PLTP: variants seen among roughly 807,000 people sequenced by gnomAD.
PLTP encodes phospholipid transfer protein.
PLTP carries 43 observed loss-of-function variants against 54.1 expected under a neutral mutation model. That is an observed-to-expected ratio of 0.79 (90% CI 0.62 to 1.02). The LOEUF (loss-of-function observed/expected upper bound fraction) is 1.02. Ranked by LOEUF, PLTP falls within the 50% of genes least tolerant of loss-of-function variation. The pLI is 0.00. For missense variants in PLTP, 604 were observed against 645.9 expected, an observed-to-expected ratio of 0.94 and a Z score of 0.70; for synonymous variants, 263 against 264.6, an observed-to-expected ratio of 0.99 and a Z score of 0.06.
Position 45,902,618 on chromosome 20 carries a change from A to G in PLTP, c.943-14T>C. On this transcript the variant is annotated splice_polypyrimidine_tract_variant and intron_variant, in intron 10 of 15. Coordinates refer to ENST00000372431, the MANE Select transcript of PLTP (RefSeq NM_006227.4). The stretch of plus-strand genomic sequence containing the variant: ...CACTGCTGGGCTCTGGGGGATGAGC[A>G]GCAGGGGCGGGTCAAGTCCCTGCCA... 6.3e-7 allele frequency: 1 copy of G among 1,588,826 alleles called. No individual in the cohort carries two copies. The highest frequency in any genetic ancestry group is 8.6e-7 in the Non-Finnish European group (1 of 1,166,402).
chr20:45,910,157 C>G, intron 3 of PLTP, 87 bp from the exon 4 acceptor site: 1 of 1,471,584 alleles, frequency 6.8e-7, no homozygotes. Context: ...CCTTTCAAGT[C>G]CAGGCCTGGG....
intron 12 of PLTP, among the ~76,000 whole-genome samples, chr20:45,900,098 C>CTTTTT (rs71181874): frequency 5.4e-5 from 3 of 55,746 alleles, no homozygotes; most frequent in Admixed American, 2.7e-4. Context: ...TTGAGCACCT[C>CTTTTT]TTTTTTTTTT....
chr20:45,905,736 C>T (rs144604332), intron 8 of PLTP, among the ~76,000 whole-genome samples: 83 of 152,320 alleles, frequency 5.4e-4, no homozygotes, highest in African/African-American at 1.8e-3. Context: ...CCACTGCACC[C>T]GACTGATTCT....
At chr20:45,911,489 G>C (rs2083293019) in intron 1 of PLTP, 26 bp from the exon 2 acceptor site, 8 of 1,599,600 alleles carry the variant, frequency 5.0e-6, no homozygotes, top group Non-Finnish European at 6.8e-6. Flanking sequence ...GGTCGCAGGA[G>C]TTATCTGAGC....
intron 10 of PLTP, 92 bp from the exon 11 acceptor site, chr20:45,902,696 G>C: frequency 7.6e-7 from 1 of 1,316,236 alleles, no homozygotes; most frequent in Non-Finnish European, 1.0e-6. Context: ...TGCAGCTTCT[G>C]TCCTCTGGGG....
chr20:45,909,406 A>G, intron 5 of PLTP, 110 bp downstream of exon 5: 1 of 1,182,506 alleles, frequency 8.5e-7, no homozygotes, highest in South Asian at 1.2e-5. Flanking sequence ...GACAGAGCTG[A>G]GCTTTGGACC....
At position 45,906,343 on chromosome 20, in the gene PLTP, G is replaced by A. The variant is rs747026724; in HGVS notation, c.630C>T (p.Asp210=). 1.2e-5 allele frequency: 19 copies of A among 1,613,696 alleles called. No homozygotes were observed. Among genetic ancestry groups the A allele is most frequent in the East Asian group, 1.1e-4 (5 of 44,872 alleles). ...GGGAATAGTCAATGCCAACAAGCTC[G>A]TCCACAGAACTGCGCACTGCAGGAA... ...LDTVPVRSSV[D]ELVGIDYSLM... is the part of the protein sequence containing the mutation. The change falls in exon 8 of 16, where the codon GAC becomes GAT. Residue 210 remains aspartate (D), a synonymous_variant. Transcript: ENST00000372431.
intron 12 of PLTP, 27 bp from the exon 13 acceptor site, chr20:45,899,905 G>A (rs1245369241): frequency 6.5e-7 from 1 of 1,549,526 alleles, no homozygotes; most frequent in Non-Finnish European, 8.7e-7. Flanking sequence ...AGCCCTGTGG[G>A]CAGGAAGCCT....
chr20:45,901,860 T>C (rs1213518557), intron 12 of PLTP, among the ~76,000 whole-genome samples: 2 of 149,316 alleles, frequency 1.3e-5, no homozygotes, highest in East Asian at 3.9e-4. Context: ...GACCACGCTA[T>C]TGCACTCCAG....
chr20:45,906,321 AAT>A lies in PLTP; in HGVS notation c.650_651del (p.Tyr217PhefsTer26). On this transcript the variant is annotated frameshift_variant, in exon 8 of 16. Transcript: ENST00000372431. LOFTEE classifies it high-confidence loss of function. The stretch of plus-strand genomic sequence containing the variant: ...GAAGCCACAGGATCCTTCATGAGGG[AAT>A]AGTCAATGCCAACAAGCTCGTCCAC... Reference protein sequence around the residue: ...SSVDELVGIDYSLMKDPVAST... With the variant: ...SSVDELVGIDXSLMKDPVAST... 6.2e-7 allele frequency: 1 copy of A among 1,614,112 alleles called. No homozygotes were observed. Among genetic ancestry groups the A allele is most frequent in the Non-Finnish European group, 8.5e-7 (1 of 1,179,982 alleles).
At position 45,899,820 on chromosome 20, in the gene PLTP, A is replaced by G; in HGVS notation, c.1218+16T>C. 6.7e-6 allele frequency: 1 copy of G among 148,324 alleles called. No individual in the cohort carries two copies. 9.2% of individuals were successfully genotyped at this position (148,324 alleles called of 1,614,324 possible). On this transcript the variant is annotated intron_variant, in intron 13 of 15. Transcript: ENST00000372431. ...CTCACGAACCCAGCCCAGCCCACCC[A>G]CCCTTCCCCACTCACAGCCAGCGAC...
At position 45,899,558 on chromosome 20, in the gene PLTP, G is replaced by C. The variant is rs548237398; in HGVS notation, c.1283-20C>G. 6.2e-7 allele frequency: 1 copy of C among 1,613,910 alleles called. No homozygotes were observed. Among genetic ancestry groups the C allele is most frequent in the African/African-American group, 1.3e-5 (1 of 74,902 alleles). On this transcript the variant is annotated intron_variant, in intron 14 of 15. Transcript: ENST00000372431. ...TCCGCTCTGTGGGTGGGAGCACCCC[G>C]CTCAGTCTGGGCCCGCCCAGTTCAC... is the stretch of plus-strand genomic sequence containing the variant.
At chr20:45,907,778 AG>A (rs1449824003) in intron 6 of PLTP, 23 bp from the exon 7 acceptor site, 2 of 1,612,306 alleles carry the variant, frequency 1.2e-6, no homozygotes, top group African/African-American at 2.7e-5. Context: ...AGCCAGAGTC[AG>A]GGCCTTCTCA....
Position 45,899,817 on chromosome 20 carries a change from C to A in PLTP, c.1218+19G>T. 7.7e-7 allele frequency: 1 copy of A among 1,291,228 alleles called. No individual in the cohort carries two copies. The highest frequency in any genetic ancestry group is 1.1e-6 in the Non-Finnish European group (1 of 913,704). 80.0% of individuals were successfully genotyped at this position (1,291,228 alleles called of 1,614,324 possible). ...GATCTCACGAACCCAGCCCAGCCCA[C>A]CCACCCTTCCCCACTCACAGCCAGC... On this transcript the variant is annotated intron_variant, in intron 13 of 15. Transcript: ENST00000372431.
chr20:45,907,312 T>TGA (rs1442353754), intron 7 of PLTP, among the ~76,000 whole-genome samples: 2 of 134,396 alleles, frequency 1.5e-5, no homozygotes, highest in East Asian at 4.2e-4. Flanking sequence ...GGCAACAGAG[T>TGA]GAGACTGTAA....
intron 10 of PLTP, 132 bp from the exon 11 acceptor site, chr20:45,902,736 C>T: frequency 1.1e-6 from 1 of 928,898 alleles, no homozygotes. Flanking sequence ...AGAGGGAGCT[C>T]TGGCTTCCAA....
chr20:45,912,136 T>A lies in PLTP; in HGVS notation c.-69A>T, dbSNP rs1023699117. Reference sequence around the variant, plus strand: ...GTGGGATGGCGGGCAGCTCAGGGGATCCGGGCGACGGGGTCTGGCGGGCAG... The same window carrying A: ...GTGGGATGGCGGGCAGCTCAGGGGAACCGGGCGACGGGGTCTGGCGGGCAG... On this transcript the variant is annotated 5_prime_UTR_variant, in exon 1 of 16. Transcript: ENST00000372431. The A allele has an allele frequency of 6.5e-6, 1 of 153,374 alleles. No homozygotes were observed. Among genetic ancestry groups the A allele is most frequent in the Admixed American group, 6.5e-5 (1 of 15,408 alleles). 9.5% of individuals were successfully genotyped at this position (153,374 alleles called of 1,614,324 possible). A position where few individuals can be genotyped will look rare whatever the true frequency, so the allele number is the denominator to read the frequency against.
At position 45,909,209 on chromosome 20, in the gene PLTP, C is replaced by T. The variant is rs11569640; in HGVS notation, c.485+307G>A. ...CGATCTGTTAACCTTGTGATCCGCC[C>T]GCCCAGACCTCCCAAATTGCTGGGA... On this transcript the variant is annotated intron_variant, in intron 5 of 15. Coordinates refer to ENST00000372431, the MANE Select transcript of PLTP (RefSeq NM_006227.4). Among the ~76,000 whole-genome samples, 683 of 152,230 alleles carry T rather than the reference C, an allele frequency of 4.5e-3. 8 individuals are homozygous for T. Among genetic ancestry groups the T allele is most frequent in the African/African-American group, 0.016 (651 of 41,536 alleles).
At position 45,899,613 on chromosome 20, in the gene PLTP, C is replaced by G. The variant is rs930968489; in HGVS notation, c.1282+9G>C. 2 of 1,614,000 alleles carry G rather than the reference C, an allele frequency of 1.2e-6. No homozygotes were observed. Among genetic ancestry groups the G allele is most frequent in the East Asian group, 2.2e-5 (1 of 44,880 alleles). On this transcript the variant is annotated intron_variant, in intron 14 of 15. Coordinates refer to ENST00000372431, the MANE Select transcript of PLTP (RefSeq NM_006227.4). ...CCTTTCTTCCTCCATCCTCACACCC[C>G]AGCCTTACCATTGAGCATGGGCATC...
Sources: allele counts gnomAD v4.1 joint callset (sites outside exome capture counted in the v4.1 genomes callset), GRCh38; gene constraint gnomAD v4.1.1; transcripts MANE v1.5; gene names NCBI Gene and HGNC (gene_info 2026-07-23, HGNC 2026-07-21).